PAPPA2: variants seen among roughly 807,000 people sequenced by gnomAD.
The protein encoded by PAPPA2 is pappalysin 2.
PAPPA2 carries 86 observed loss-of-function variants against 176.4 expected under a neutral mutation model. The ratio of observed to expected loss-of-function variants is 0.49; its 90% CI spans 0.41 to 0.58. The LOEUF (loss-of-function observed/expected upper bound fraction) is 0.58. PAPPA2 is among the 20% of genes least tolerant of loss of function. The probability of loss-of-function intolerance (pLI) is 0.00; values close to 1 mark genes in which losing one functional copy is unlikely to be tolerated. For missense variants in PAPPA2, 2,073 were observed against 2,256.9 expected, an observed-to-expected ratio of 0.92 and a Z score of 1.65; for synonymous variants, 809 against 852.2, an observed-to-expected ratio of 0.95 and a Z score of 0.88.
chr1:176,590,320 T>A (rs1049742570), intron 2 of PAPPA2, among the ~76,000 whole-genome samples: 1 of 152,134 alleles, frequency 6.6e-6, no homozygotes, highest in Non-Finnish European at 1.5e-5. Flanking sequence ...CCCAAACCCA[T>A]GTTCAGTGAC....
At chr1:176,783,537 T>C (rs1168866118) in intron 17 of PAPPA2, among the ~76,000 whole-genome samples, 1 of 152,230 alleles carries the variant, frequency 6.6e-6, no homozygotes, top group East Asian at 1.9e-4. Context: ...ATTAGGTGGA[T>C]ACCATAAGTT....
intron 21 of PAPPA2, among the ~76,000 whole-genome samples, chr1:176,804,371 C>A (rs926284696): frequency 6.6e-6 from 1 of 152,054 alleles, no homozygotes; most frequent in Non-Finnish European, 1.5e-5. Flanking sequence ...TTAGTTGTCA[C>A]GACTGGGCGA....
intron 21 of PAPPA2, among the ~76,000 whole-genome samples, chr1:176,830,392 T>C (rs889611769): frequency 6.6e-6 from 1 of 152,180 alleles, no homozygotes; most frequent in Non-Finnish European, 1.5e-5. Flanking sequence ...TTGTAATGTA[T>C]TGGATACTGC....
At chr1:176,782,089 G>A (rs1169970387) in intron 17 of PAPPA2, among the ~76,000 whole-genome samples, 1 of 152,184 alleles carries the variant, frequency 6.6e-6, no homozygotes, top group Non-Finnish European at 1.5e-5. Flanking sequence ...TAGCTCCATT[G>A]GTAGAAACCT....
At chr1:176,663,519 C>G (rs190328363) in intron 3 of PAPPA2, among the ~76,000 whole-genome samples, 43 of 152,172 alleles carry the variant, frequency 2.8e-4, no homozygotes, top group Non-Finnish European at 5.3e-4. Context: ...TATAAAGTGT[C>G]ACATTTATGA....
At chr1:176,581,994 G>C (rs1162376033) in intron 2 of PAPPA2, among the ~76,000 whole-genome samples, 2 of 146,016 alleles carry the variant, frequency 1.4e-5, no homozygotes, top group Non-Finnish European at 3.0e-5. Context: ...CACAATCTCG[G>C]CTCACTGCAA....
intron 21 of PAPPA2, among the ~76,000 whole-genome samples, chr1:176,821,227 A>C (rs1416954889): frequency 6.6e-6 from 1 of 152,224 alleles, no homozygotes; most frequent in Non-Finnish European, 1.5e-5. Context: ...ATAGAGATAA[A>C]AAATATCAAA....
chr1:176,620,086 C>T (rs188004960), intron 3 of PAPPA2, among the ~76,000 whole-genome samples: 42 of 152,258 alleles, frequency 2.8e-4, no homozygotes, highest in African/African-American at 9.1e-4. Context: ...AAATTCAGTG[C>T]CTGGTGAGCA....
chr1:176,692,195 A>G lies in PAPPA2; in HGVS notation c.2501A>G (p.Tyr834Cys), dbSNP rs201578009. ...ATGCATTGCTATTTGGACCTAGTCT[A>G]TCAGCAGTGGACTGAAAGCAGAAAG... The part of the protein sequence containing the change: ...ARMHCYLDLV[Y>C]QQWTESRKPT... The change falls in exon 6 of 23, where the codon TAT becomes TGT. Residue 834 changes from tyrosine (Y) to cysteine (C), a missense_variant. Coordinates refer to ENST00000367662, the MANE Select transcript of PAPPA2 (RefSeq NM_020318.3). 50 of 1,613,996 alleles carry G rather than the reference A, an allele frequency of 3.1e-5. No individual in the cohort carries two copies. Among genetic ancestry groups the G allele is most frequent in the Non-Finnish European group, 3.8e-5 (45 of 1,179,990 alleles).
intron 14 of PAPPA2, among the ~76,000 whole-genome samples, chr1:176,757,325 A>G (rs1412427056): frequency 6.6e-6 from 1 of 152,204 alleles, no homozygotes; most frequent in Non-Finnish European, 1.5e-5. Context: ...TCCTACCAAC[A>G]GTGTAAAAGC....
intron 1 of PAPPA2, among the ~76,000 whole-genome samples, chr1:176,548,506 T>C (rs1650760393): frequency 6.6e-6 from 1 of 152,112 alleles, no homozygotes. Context: ...AATCACTGAG[T>C]CGTACTTACC....
chr1:176,811,461 T>G (rs984299641), intron 21 of PAPPA2, among the ~76,000 whole-genome samples: 3 of 152,184 alleles, frequency 2.0e-5, no homozygotes, highest in African/African-American at 7.2e-5. Context: ...TGCCAAGTTT[T>G]TTAGGATCTA....
chr1:176,670,840 C>G, intron 3 of PAPPA2, 130 bp from the exon 4 acceptor site: 1 of 1,130,496 alleles, frequency 8.8e-7, no homozygotes, highest in Non-Finnish European at 1.3e-6. Context: ...ACAGGCTGGT[C>G]TCTGCCCCAT....
chr1:176,787,815 CT>C (rs2102933965), intron 17 of PAPPA2, among the ~76,000 whole-genome samples: 1 of 152,176 alleles, frequency 6.6e-6, no homozygotes, highest in East Asian at 1.9e-4. Flanking sequence ...AATCCCAGCA[CT>C]TTGGGAGGCT....
chr1:176,816,399 ACACG>A (rs1178239276), intron 21 of PAPPA2, among the ~76,000 whole-genome samples: 69 of 134,296 alleles, frequency 5.1e-4, no homozygotes, highest in African/African-American at 1.8e-3. Flanking sequence ...ACACACACAC[ACACG>A]CATACACACT....
At chr1:176,726,174 C>G (rs1405099020) in intron 12 of PAPPA2, among the ~76,000 whole-genome samples, 1 of 152,202 alleles carries the variant, frequency 6.6e-6, no homozygotes, top group Non-Finnish European at 1.5e-5. Context: ...CCAAGAAATA[C>G]AAACTTACCT....
intron 21 of PAPPA2, among the ~76,000 whole-genome samples, chr1:176,826,870 C>T (rs1423078732): frequency 6.6e-6 from 1 of 152,204 alleles, no homozygotes; most frequent in Non-Finnish European, 1.5e-5. Context: ...TAGAGCTTCT[C>T]ACTGTGAGCT....
chr1:176,824,740 C>T (rs1342847865), intron 21 of PAPPA2, among the ~76,000 whole-genome samples: 1 of 152,132 alleles, frequency 6.6e-6, no homozygotes, highest in Non-Finnish European at 1.5e-5. Context: ...TCCCATTTTT[C>T]CCCATCAGTG....
At chr1:176,633,724 T>C (rs914718417) in intron 3 of PAPPA2, among the ~76,000 whole-genome samples, 13 of 151,794 alleles carry the variant, frequency 8.6e-5, no homozygotes, top group Non-Finnish European at 1.6e-4. Flanking sequence ...ATCCAGAATC[T>C]ACAAAGAACT....
Sources: gnomAD v4.1 joint callset for allele counts (sites outside exome capture counted in the v4.1 genomes callset) on GRCh38, gnomAD v4.1.1 for gene constraint, MANE v1.5 for transcripts, NCBI Gene and HGNC (gene_info 2026-07-23, HGNC 2026-07-21) for gene names.